The following SATL1 variants were observed in gnomAD, a reference collection of about 807,000 sequenced individuals.
SATL1 encodes spermidine/spermine N(1)-acetyltransferase-like protein 1.
Under a neutral mutation model 51.8 loss-of-function variants are expected in SATL1, and 47 were observed. The ratio of observed to expected loss-of-function variants is 0.91; its 90% CI spans 0.72 to 1.16. The LOEUF (loss-of-function observed/expected upper bound fraction) is 1.16, where lower values mean the gene tolerates loss of function less well. SATL1 is among the 50% of genes most tolerant of loss of function. SATL1 has a pLI of 0.00. For missense variants in SATL1, 520 were observed against 526.4 expected, an observed-to-expected ratio of 0.99 and a Z score of 0.12; for synonymous variants, 176 against 182.4, an observed-to-expected ratio of 0.97 and a Z score of 0.28.
chrX:85,146,468 T>C (rs1466980407), intron 2 of SATL1, among the ~76,000 whole-genome samples: 7 of 111,660 alleles, frequency 6.3e-5, no homozygotes, highest in African/African-American at 2.3e-4. Context: ...ATACACCTCC[T>C]ATGTGCCCAC....
chrX:85,146,231 A>C (rs765964164), intron 2 of SATL1, among the ~76,000 whole-genome samples: 2 of 111,825 alleles, frequency 1.8e-5, no homozygotes, highest in Non-Finnish European at 3.8e-5. Context: ...CTATTTTACC[A>C]ATTGTTATTC....
rs186148430 is a variant in SATL1, at chrX:85,176,893, T to C, written c.-313+47312A>G. Among the ~76,000 whole-genome samples the C allele has an allele frequency of 1.1e-4, 12 of 111,610 alleles. No individual in the cohort carries two copies. In the East Asian group the frequency reaches 3.4e-3, roughly 32 times the overall value. ...TCTGGCAGACACCACCTTAACTATG[T>C]AAACCAAGGTTAACATTACTAGTAA... is the stretch of plus-strand genomic sequence containing the variant. On this transcript the variant is annotated intron_variant, in intron 2 of 7. Coordinates refer to ENST00000644105, the MANE Select transcript of SATL1 (RefSeq NM_001367857.2).
In SATL1 at chrX:85,153,007, A is replaced by G. The variant is rs1037668221; in HGVS notation, c.-312-43727T>C. On this transcript the variant is annotated intron_variant, in intron 2 of 7. Coordinates refer to ENST00000644105, the MANE Select transcript of SATL1 (RefSeq NM_001367857.2). ...AAAATAAAATAAAAATTAAAAAAAAATACATCGACATTTCTATGTGATGTA... is the reference window on the plus strand; with the variant it reads ...AAAATAAAATAAAAATTAAAAAAAAGTACATCGACATTTCTATGTGATGTA... Among the ~76,000 whole-genome samples the G allele has an allele frequency of 4.5e-5, 5 of 110,711 alleles. No homozygotes were observed. The South Asian group carries it at 1.9e-3, about 42-fold the overall frequency.
intron 3 of SATL1, among the ~76,000 whole-genome samples, chrX:85,107,066 C>A (rs1925062297): frequency 9.0e-6 from 1 of 111,727 alleles, no homozygotes; most frequent in Non-Finnish European, 1.9e-5. Flanking sequence ...TCCCCTATAA[C>A]TTTTTGAGCC....
chrX:85,156,851 ATATATATATATATATAT>A (rs1926606967), intron 2 of SATL1, among the ~76,000 whole-genome samples: 7 of 59,125 alleles, frequency 1.2e-4, no homozygotes, highest in African/African-American at 3.1e-4. Context: ...ATATATATAT[ATATATATATATATATAT>A]AAAATATGTA....
At chrX:85,188,500 C>T (rs141651787) in intron 2 of SATL1, among the ~76,000 whole-genome samples, 87 of 111,136 alleles carry the variant, frequency 7.8e-4, no homozygotes, top group African/African-American at 2.3e-3. Flanking sequence ...AATGTTTGCA[C>T]CTGGGCGCAG....
At chrX:85,122,595 T>C (rs1448437048) in intron 2 of SATL1, among the ~76,000 whole-genome samples, 3 of 111,199 alleles carry the variant, frequency 2.7e-5, no homozygotes, top group Non-Finnish European at 5.7e-5. Flanking sequence ...CGATTCATAT[T>C]GGAACAAATA....
chrX:85,183,780 C>G (rs1927257488), intron 2 of SATL1, among the ~76,000 whole-genome samples: 1 of 111,378 alleles, frequency 9.0e-6, no homozygotes, highest in African/African-American at 3.3e-5. Context: ...TTGATCCTTT[C>G]TCTGTGATAA....
At chrX:85,118,786 A>G (rs1350253500) in intron 2 of SATL1, among the ~76,000 whole-genome samples, 4 of 111,439 alleles carry the variant, frequency 3.6e-5, no homozygotes, top group Non-Finnish European at 7.5e-5. Flanking sequence ...AATGATAAGT[A>G]TCTGAGGTAA....
chrX:85,175,405 A>G (rs1009311057), intron 2 of SATL1, among the ~76,000 whole-genome samples: 1 of 111,796 alleles, frequency 8.9e-6, no homozygotes, highest in Non-Finnish European at 1.9e-5. Flanking sequence ...TCCAACTATG[A>G]CTCAAAATAC....
chrX:85,189,455 C>G (rs1200030762), intron 2 of SATL1, among the ~76,000 whole-genome samples: 1 of 111,954 alleles, frequency 8.9e-6, no homozygotes, highest in African/African-American at 3.2e-5. Context: ...GTGGTGAATT[C>G]TGGGTATGTG....
intron 2 of SATL1, among the ~76,000 whole-genome samples, chrX:85,142,425 G>C (rs752083889): frequency 1.9e-5 from 2 of 107,868 alleles, no homozygotes; most frequent in South Asian, 4.1e-4. Flanking sequence ...TTGAAGTAGA[G>C]TTGTTGAAAG....
At chrX:85,215,952 C>T (rs1383549577) in intron 2 of SATL1, among the ~76,000 whole-genome samples, 1 of 111,872 alleles carries the variant, frequency 8.9e-6, no homozygotes. Context: ...AACTTTCTGT[C>T]TTGGTCTGTT....
intron 2 of SATL1, among the ~76,000 whole-genome samples, chrX:85,140,999 T>C (rs1926096298): frequency 9.0e-6 from 1 of 111,616 alleles, no homozygotes; most frequent in Non-Finnish European, 1.9e-5. Context: ...AAGGACCCTA[T>C]TTTTTTCCCC....
intron 2 of SATL1, among the ~76,000 whole-genome samples, chrX:85,153,558 G>A (rs1241128512): frequency 8.9e-6 from 1 of 111,954 alleles, no homozygotes; most frequent in Non-Finnish European, 1.9e-5. Flanking sequence ...AAAACCTGTA[G>A]GCTTTAGAGT....
chrX:85,113,705 A>T (rs979555749), intron 2 of SATL1, among the ~76,000 whole-genome samples: 1 of 112,672 alleles, frequency 8.9e-6, no homozygotes, highest in South Asian at 3.6e-4. Context: ...GATTATTTGC[A>T]TAAAGCACAG....
rs755385405 is a variant in SATL1 at position 85,108,754 on chromosome X, G to T, written c.215C>A (p.Pro72His). The change falls in exon 3 of 8, where the codon CCC (proline) becomes CAC (histidine). Residue 72 changes from proline (P) to histidine (H), a missense_variant. Pro to His is a moderately conservative substitution (Grantham distance 77, BLOSUM62 -2). Coordinates refer to ENST00000644105, the MANE Select transcript of SATL1 (RefSeq NM_001367857.2). ...CCATGTGTCTGGTTGTTTCATGTCG[G>T]GTTGGTTTATGTCTGGTAGGTTTGT... is the stretch of plus-strand genomic sequence containing the variant. ...SGTNLPDINQ[P>H]DMKQPDTWQL... 1.5e-5 allele frequency: 18 copies of T among 1,209,458 alleles called. No homozygotes were observed. The East Asian group carries it at 5.3e-4, about 36-fold the overall frequency.
intron 2 of SATL1, among the ~76,000 whole-genome samples, chrX:85,135,647 C>G (rs902991016): frequency 9.3e-6 from 1 of 107,591 alleles, no homozygotes; most frequent in Non-Finnish European, 1.9e-5. Context: ...TCTCGGCTCA[C>G]TACTGCCTCG....
At chrX:85,163,205 G>A (rs1234909239) in intron 2 of SATL1, among the ~76,000 whole-genome samples, 2 of 109,799 alleles carry the variant, frequency 1.8e-5, no homozygotes, top group Non-Finnish European at 3.8e-5. Flanking sequence ...TGTTGTTGTT[G>A]TTGTTGGCAA....
Sources: gnomAD v4.1 joint callset for allele counts (sites outside exome capture counted in the v4.1 genomes callset) on GRCh38, gnomAD v4.1.1 for gene constraint, MANE v1.5 for transcripts, NCBI Gene and HGNC (gene_info 2026-07-23, HGNC 2026-07-21) for gene names.